AKAP9: variants seen among roughly 807,000 people sequenced by gnomAD.
The protein encoded by AKAP9 is A-kinase anchor protein 9.
In AKAP9, 311 loss-of-function variants were observed where a neutral mutation model predicts 488.5. The ratio of observed to expected loss-of-function variants is 0.64; its 90% CI spans 0.58 to 0.70. The LOEUF (loss-of-function observed/expected upper bound fraction) is 0.70. Ranked by LOEUF, AKAP9 falls within the 30% of genes least tolerant of loss-of-function variation. The probability of loss-of-function intolerance (pLI) is 0.00; values close to 1 mark genes in which losing one functional copy is unlikely to be tolerated. For synonymous variants in AKAP9, 1,462 were observed against 1,483.5 expected (o/e 0.99, Z 0.33); for missense variants, 4,215 against 4,374.5 (o/e 0.96, Z 1.03).
At position 92,041,900 on chromosome 7, in the gene AKAP9, A is replaced by G. The variant is rs753640403; in HGVS notation, c.4918-146A>G. 358 of 782,482 alleles carry G rather than the reference A, an allele frequency of 4.6e-4. 1 individual carries two copies. The highest frequency in any genetic ancestry group is 6.6e-4 in the Non-Finnish European group (332 of 499,374). The allele number at this position is 782,482 out of a possible 1,614,324, so 48.5% of individuals were successfully genotyped here. On this transcript the variant is annotated intron_variant, in intron 18 of 49. Transcript: ENST00000356239. ...TTAAATTTTGCATTGATCTTTGTAT[A>G]TACTTTTAACCCCTTACGATGGAAT...
chr7:92,091,629 AC>A (rs1815651852), intron 38 of AKAP9, among the ~76,000 whole-genome samples: 1 of 150,552 alleles, frequency 6.6e-6, no homozygotes, highest in Admixed American at 6.6e-5. Context: ...AAGCATTCTT[AC>A]CACTGAGTTT....
intron 22 of AKAP9, among the ~76,000 whole-genome samples, chr7:92,055,001 T>C (rs1808549672): frequency 6.6e-6 from 1 of 152,072 alleles, no homozygotes. Context: ...AAAACCATTC[T>C]CTTCTTTGGG....
At position 92,017,072 on chromosome 7, in the gene AKAP9, A is replaced by T. The variant is rs781687037; in HGVS notation, c.3807A>T (p.Lys1269Asn). Residue 1269 changes from lysine (K) to asparagine (N), a missense_variant, in exon 12 of 50, where the codon AAA (lysine) becomes AAT (asparagine). Physicochemically the swap from Lys to Asn is moderately conservative, Grantham distance 94. This residue lies in a region of AKAP9 where 2,361 missense variants were observed against 2,430.0 expected (regional missense o/e 0.97). Transcript: ENST00000356239. ...LLNKVTEEYNKLLVLQTRLSK... is the reference protein window; with the variant it reads ...LLNKVTEEYNNLLVLQTRLSK... ...ACAAAGTAACAGAAGAATACAACAAACTCTTGGTACTTCAAACACGACTAA... is the reference window on the plus strand; with the variant it reads ...ACAAAGTAACAGAAGAATACAACAATCTCTTGGTACTTCAAACACGACTAA... 1.1e-5 allele frequency: 17 copies of T among 1,589,210 alleles called. No individual in the cohort carries two copies. The South Asian group carries it at 1.9e-4, about 18-fold the overall frequency.
At chr7:91,989,388 C>T (rs564887363) in intron 3 of AKAP9, among the ~76,000 whole-genome samples, 7 of 152,216 alleles carry the variant, frequency 4.6e-5, no homozygotes, top group Admixed American at 4.6e-4. Context: ...AAATACTCTT[C>T]TTACAAATTA....
intron 7 of AKAP9, among the ~76,000 whole-genome samples, chr7:91,996,939 A>G (rs1462019990): frequency 8.5e-5 from 13 of 152,168 alleles, no homozygotes; most frequent in Non-Finnish European, 1.5e-4. Flanking sequence ...ATAGAAGTAC[A>G]ATTATCACTC....
Position 92,076,873 on chromosome 7 carries a change from C to T in AKAP9, c.6631C>T (p.Gln2211Ter), listed in dbSNP as rs1313478430. The change falls in exon 29 of 50, where the codon CAA becomes TAA. Residue 2211 changes from glutamine (Q) to a stop codon, truncating the protein, a stop_gained. Transcript: ENST00000356239. LOFTEE classifies it high-confidence loss of function. ...ATTAAAGATTACAAACTTAGAAGAG[C>T]AATTAGAACAGTTTAGAGAAGAACT... ...KEKEITNLEE[Q>*]LEQFREELEN... 1 of 1,469,210 alleles carries T rather than the reference C, an allele frequency of 6.8e-7. No homozygotes were observed. Among genetic ancestry groups the T allele is most frequent in the Non-Finnish European group, 9.3e-7 (1 of 1,070,358 alleles). The allele number at this position is 1,469,210 out of a possible 1,614,324, so 91.0% of individuals were successfully genotyped here.
intron 24 of AKAP9, among the ~76,000 whole-genome samples, chr7:92,064,193 G>A (rs891694052): frequency 2.6e-5 from 4 of 152,020 alleles, no homozygotes; most frequent in Non-Finnish European, 2.9e-5. Flanking sequence ...GGTAGCAAAA[G>A]GATCAGTGAA....
intron 45 of AKAP9, among the ~76,000 whole-genome samples, chr7:92,102,073 T>C (rs1282271348): frequency 1.3e-5 from 2 of 151,832 alleles, no homozygotes; most frequent in African/African-American, 2.4e-5. Flanking sequence ...GGAGAATTGC[T>C]TGAATCTGGG....
intron 47 of AKAP9, among the ~76,000 whole-genome samples, chr7:92,106,986 C>T (rs1818605921): frequency 6.6e-6 from 1 of 152,102 alleles, no homozygotes; most frequent in Non-Finnish European, 1.5e-5. Context: ...CTCAGACACC[C>T]CTCACCTCTC....
intron 14 of AKAP9, among the ~76,000 whole-genome samples, chr7:92,026,069 T>C (rs920931367): frequency 1.3e-5 from 2 of 151,936 alleles, no homozygotes; most frequent in African/African-American, 4.8e-5. Context: ...GACATTGCAA[T>C]GGAAGGAATG....
chr7:92,063,564 G>T, intron 24 of AKAP9: 1 of 910,816 alleles, frequency 1.1e-6, no homozygotes, highest in Non-Finnish European at 1.3e-6. Context: ...AAATGTGGGT[G>T]ACCTGGATTT....
At chr7:92,050,513 G>A (rs538011970) in intron 21 of AKAP9, among the ~76,000 whole-genome samples, 1 of 152,242 alleles carries the variant, frequency 6.6e-6, no homozygotes, top group South Asian at 2.1e-4. Flanking sequence ...TCGTTGTCTT[G>A]TTTGTCTTTC....
At chr7:92,104,189 TA>T (rs1454693812) in intron 46 of AKAP9, among the ~76,000 whole-genome samples, 40 of 88,876 alleles carry the variant, frequency 4.5e-4, no homozygotes, top group Non-Finnish European at 7.1e-4. Flanking sequence ...TTTATTTATT[TA>T]TTTTTTTTTT....
chr7:92,085,964 G>A (rs1417152981), intron 36 of AKAP9, among the ~76,000 whole-genome samples: 8 of 152,110 alleles, frequency 5.3e-5, no homozygotes, highest in South Asian at 4.1e-4. Context: ...TTAGCCAGGC[G>A]TGGTGGTGGG....
chr7:92,088,406 C>G (rs1346835981), intron 37 of AKAP9, among the ~76,000 whole-genome samples: 1 of 152,048 alleles, frequency 6.6e-6, no homozygotes, highest in Non-Finnish European at 1.5e-5. Flanking sequence ...TTGCTGGTAG[C>G]AATGTGAAAT....
chr7:92,101,214 A>T (rs546452809), intron 45 of AKAP9, among the ~76,000 whole-genome samples, 158 bp downstream of exon 45: 9 of 152,296 alleles, frequency 5.9e-5, no homozygotes, highest in Non-Finnish European at 1.2e-4. Context: ...AGATGGGCAG[A>T]TCACGAGGTC....
At chr7:92,063,325 A>G (rs1810207042) in intron 24 of AKAP9, 2 of 253,680 alleles carry the variant, frequency 7.9e-6, no homozygotes, top group South Asian at 1.5e-4. Flanking sequence ...TCAAAATGTT[A>G]CCAGTGATAA....
intron 43 of AKAP9, 141 bp from the exon 44 acceptor site, chr7:92,099,546 G>T: frequency 2.4e-6 from 2 of 838,922 alleles, no homozygotes; most frequent in Admixed American, 1.8e-5. Context: ...TTTTCTGCCT[G>T]GTAAATATCT....
chr7:92,000,733 T>C (rs1353043608), intron 7 of AKAP9, 115 bp from the exon 8 acceptor site: 3 of 606,880 alleles, frequency 4.9e-6, no homozygotes, highest in East Asian at 3.1e-5. Context: ...CATTTACTTT[T>C]TGTAGAATTT....
Sources: gnomAD v4.1 joint callset for allele counts (sites outside exome capture counted in the v4.1 genomes callset) on GRCh38, gnomAD v4.1.1 for gene constraint, gnomAD v4.1.1 regional missense constraint, MANE v1.5 for transcripts, NCBI Gene and HGNC (gene_info 2026-07-23, HGNC 2026-07-21) for gene names.